PFN4: variants seen among roughly 807,000 people sequenced by gnomAD.
The protein encoded by PFN4 is profilin-4.
A neutral mutation model predicts 16.3 loss-of-function variants in PFN4; 10 were observed. The ratio of observed to expected loss-of-function variants is 0.61; its 90% CI spans 0.38 to 1.04. The LOEUF (loss-of-function observed/expected upper bound fraction) is 1.04. PFN4 is among the 50% of genes least tolerant of loss of function. The pLI is 0.01. For missense variants in PFN4, 136 were observed against 153.6 expected, an observed-to-expected ratio of 0.89 and a Z score of 0.61; for synonymous variants, 54 against 56.9, an observed-to-expected ratio of 0.95 and a Z score of 0.23.
rs775430317 is a variant in PFN4 at position 24,119,653 on chromosome 2, G to A, written c.285C>T (p.Thr95=). The change falls in exon 4 of 5, where the codon ACC becomes ACT. Residue 95 remains threonine, a synonymous_variant. Coordinates refer to ENST00000313213, the MANE Select transcript of PFN4 (RefSeq NM_199346.3). ...AAGTTGCTACCAGAAGATACAGATGGGTCTTCACGACAACCACACCAGTGT... is the reference window on the plus strand; with the variant it reads ...AAGTTGCTACCAGAAGATACAGATGAGTCTTCACGACAACCACACCAGTGT... ...NENTGVVVVK[T]HLYLLVATYT... 2.5e-6 allele frequency: 4 copies of A among 1,613,192 alleles called. No homozygotes were observed. The highest frequency in any genetic ancestry group is 1.6e-4 in the Middle Eastern group (1 of 6,062).
At chr2:24,121,086 A>G (rs1366823427) in intron 3 of PFN4, 77 bp downstream of exon 3, 7 of 1,544,376 alleles carry the variant, frequency 4.5e-6, no homozygotes, top group African/African-American at 2.7e-5. Context: ...TTTTACAGAA[A>G]GGATCAGGCA....
chr2:24,117,952 G>A (rs974701354), intron 4 of PFN4, among the ~76,000 whole-genome samples: 10 of 152,112 alleles, frequency 6.6e-5, no homozygotes, highest in Non-Finnish European at 1.0e-4. Flanking sequence ...TATTAATGGC[G>A]TGATGCCAGC....
intron 4 of PFN4, 77 bp from the exon 5 acceptor site, chr2:24,115,688 A>G: frequency 6.6e-7 from 1 of 1,513,536 alleles, no homozygotes; most frequent in Admixed American, 1.7e-5. Context: ...TCCATTTATT[A>G]TTCCACAAAC....
chr2:24,120,926 G>T (rs375929561), intron 3 of PFN4, among the ~76,000 whole-genome samples: 1 of 151,292 alleles, frequency 6.6e-6, no homozygotes. Flanking sequence ...GACTGTATTG[G>T]AAAGAGTTCA....
rs1573746012 is a variant in PFN4, at chr2:24,115,451, T to C, written c.*132A>G. 8.5e-6 allele frequency: 6 copies of C among 704,902 alleles called. No homozygotes were observed. The highest frequency in any genetic ancestry group is 1.4e-5 in the Non-Finnish European group (6 of 421,920). 43.7% of individuals were successfully genotyped at this position (704,902 alleles called of 1,614,324 possible). On this transcript the variant is annotated 3_prime_UTR_variant, in exon 5 of 5. Transcript: ENST00000313213. ...AGAGGATCTCTGGAAGTAATAAAAA[T>C]TGCTCCCTTAATTCATTCTTCTTTT...
chr2:24,119,194 C>T (rs917154873), intron 4 of PFN4, among the ~76,000 whole-genome samples: 6 of 152,078 alleles, frequency 3.9e-5, no homozygotes, highest in Non-Finnish European at 7.4e-5. Context: ...CCTATCCTGC[C>T]CCACCTACAT....
rs1018670666 is a variant in PFN4 at position 24,123,248 on chromosome 2, C to T, written c.-143G>A. On this transcript the variant is annotated 5_prime_UTR_variant, in exon 1 of 5. Transcript: ENST00000313213. ...GAGGACTCGAGGGAGCGGACGCCAC[C>T]CCGCTCTGTGGTGCCCGCAAGGACC... 2 of 152,200 alleles carry T rather than the reference C, an allele frequency of 1.3e-5. No homozygotes were observed. Among genetic ancestry groups the T allele is most frequent in the African/African-American group, 2.4e-5 (1 of 41,436 alleles). 9.4% of individuals were successfully genotyped at this position (152,200 alleles called of 1,614,324 possible). A position where few individuals can be genotyped will look rare whatever the true frequency, so the allele number is the denominator to read the frequency against.
Position 24,115,468 on chromosome 2 carries a change from T to C in PFN4, c.*115A>G, listed in dbSNP as rs1665883115. ...AATAAAAATTGCTCCCTTAATTCAT[T>C]CTTCTTTTTTAGTGCCTTCTGTCTA... On this transcript the variant is annotated 3_prime_UTR_variant, in exon 5 of 5. Coordinates refer to ENST00000313213, the MANE Select transcript of PFN4 (RefSeq NM_199346.3). The C allele has an allele frequency of 9.3e-6, 8 of 859,466 alleles. No homozygotes were observed. The highest frequency in any genetic ancestry group is 1.5e-5 in the Non-Finnish European group (8 of 550,286). 53.2% of individuals were successfully genotyped at this position (859,466 alleles called of 1,614,324 possible).
At chr2:24,123,408 G>A, upstream of PFN4, 1 of 152,202 alleles carries the variant, frequency 6.6e-6, no homozygotes, top group African/African-American at 2.4e-5. Context: ...GCCACCTAGA[G>A]CCGCCGCCCA....
In PFN4 at chr2:24,122,541, C is replaced by G; in HGVS notation, c.-6G>C. 6.3e-7 allele frequency: 1 copy of G among 1,598,784 alleles called. No homozygotes were observed. The highest frequency in any genetic ancestry group is 8.6e-7 in the Non-Finnish European group (1 of 1,167,756). On this transcript the variant is annotated 5_prime_UTR_variant, in exon 2 of 5. Transcript: ENST00000313213. ...AAGCTCTGCAAATGGCTCATGTTCC[C>G]TCAACTCTGAAAGGGAAAGTGCAGT...
intron 4 of PFN4, among the ~76,000 whole-genome samples, chr2:24,118,272 A>G (rs1269321967): frequency 6.6e-6 from 1 of 152,182 alleles, no homozygotes; most frequent in Non-Finnish European, 1.5e-5. Flanking sequence ...GCCTCCTTCA[A>G]ATCCTGACAT....
At chr2:24,117,247 G>A (rs778647118) in intron 4 of PFN4, among the ~76,000 whole-genome samples, 5 of 151,960 alleles carry the variant, frequency 3.3e-5, no homozygotes, top group African/African-American at 2.4e-5. Context: ...AACTCCTGTC[G>A]TCAAATGATC....
rs10167888 is a variant in PFN4 at position 24,114,837 on chromosome 2, T to C, written c.*746A>G. 0.12 allele frequency among the ~76,000 whole-genome samples: 18,137 copies of C among 152,242 alleles called. 1,265 individuals are homozygous for C. Among genetic ancestry groups the C allele is most frequent in the South Asian group, 0.18 (865 of 4,822 alleles). Reference sequence around the variant, plus strand: ...AGACCAAGAGGAGATGAACTCTTTCTGGGGAAGGGTGCATTTAGTGACCAT... The same window carrying C: ...AGACCAAGAGGAGATGAACTCTTTCCGGGGAAGGGTGCATTTAGTGACCAT... On this transcript the variant is annotated 3_prime_UTR_variant, in exon 5 of 5. Coordinates refer to ENST00000313213, the MANE Select transcript of PFN4 (RefSeq NM_199346.3).
rs530640046 is a variant in PFN4, at chr2:24,118,427, G to A, written c.361+1150C>T. Among the ~76,000 whole-genome samples the A allele has an allele frequency of 9.2e-5, 14 of 152,290 alleles. No homozygotes were observed. The East Asian group carries it at 1.7e-3, about 19-fold the overall frequency. ...GCGCCTTCCCTGACTCTGCTAGGCC[G>A]AAGTAATTCATTGATTTATTCATCA... On this transcript the variant is annotated intron_variant, in intron 4 of 4. Coordinates refer to ENST00000313213, the MANE Select transcript of PFN4 (RefSeq NM_199346.3).
intron 3 of PFN4, among the ~76,000 whole-genome samples, chr2:24,120,762 C>T (rs1369074263): frequency 6.6e-6 from 1 of 152,010 alleles, no homozygotes; most frequent in Non-Finnish European, 1.5e-5. Flanking sequence ...ACCATGTTAG[C>T]TAGGCTGGTC....
rs551304684 is a variant in PFN4, at chr2:24,115,356, T to C, written c.*227A>G. ...TAGATATGCTCTGTGAAATGATCAG[T>C]GCTCTCTCATTCCATGCCGATGACC... On this transcript the variant is annotated 3_prime_UTR_variant, in exon 5 of 5. Coordinates refer to ENST00000313213, the MANE Select transcript of PFN4 (RefSeq NM_199346.3). The C allele has an allele frequency of 2.8e-5, 15 of 539,046 alleles. No individual in the cohort carries two copies. Among genetic ancestry groups the C allele is most frequent in the African/African-American group, 2.7e-4 (14 of 52,756 alleles). 33.4% of individuals were successfully genotyped at this position (539,046 alleles called of 1,614,324 possible). A position where few individuals can be genotyped will look rare whatever the true frequency, so the allele number is the denominator to read the frequency against.
chr2:24,119,008 G>A (rs1573750128), intron 4 of PFN4, among the ~76,000 whole-genome samples: 1 of 152,166 alleles, frequency 6.6e-6, no homozygotes, highest in East Asian at 1.9e-4. Flanking sequence ...ACCCAAGCTA[G>A]TTCTCTATGA....
At chr2:24,116,253 G>A (rs535073766) in intron 4 of PFN4, among the ~76,000 whole-genome samples, 28 of 151,832 alleles carry the variant, frequency 1.8e-4, no homozygotes, top group Admixed American at 4.6e-4. Flanking sequence ...GCTTGAACCC[G>A]GGAGGCAGAG....
intron 4 of PFN4, among the ~76,000 whole-genome samples, chr2:24,117,594 C>G (rs960838951): frequency 2.6e-5 from 4 of 151,976 alleles, no homozygotes; most frequent in Non-Finnish European, 5.9e-5. Flanking sequence ...AGGTACCCAC[C>G]ACCACACCCA....
Sources: gnomAD v4.1 joint callset for allele counts (sites outside exome capture counted in the v4.1 genomes callset) on GRCh38, gnomAD v4.1.1 for gene constraint, MANE v1.5 for transcripts, NCBI Gene and HGNC (gene_info 2026-07-23, HGNC 2026-07-21) for gene names.